LITAF: variants seen among roughly 807,000 people sequenced by gnomAD.
LITAF encodes the protein lipopolysaccharide-induced tumor necrosis factor-alpha factor.
A neutral mutation model predicts 14.5 loss-of-function variants in LITAF; 9 were observed. That is an observed-to-expected ratio of 0.62 (90% CI 0.37 to 1.08). LITAF has a LOEUF of 1.08. LITAF is among the 50% of genes least tolerant of loss of function. LITAF has a pLI of 0.01. For synonymous variants in LITAF, 98 were observed against 88.2 expected, an observed-to-expected ratio of 1.11 and a Z score of -0.62; for missense variants, 206 against 213.4, an observed-to-expected ratio of 0.97 and a Z score of 0.22.
chr16:11,623,940 C>G (rs552429803), intron 3 of LITAF, among the ~76,000 whole-genome samples: 139 of 152,182 alleles, frequency 9.1e-4, no homozygotes, highest in Non-Finnish European at 1.7e-3. Flanking sequence ...GCACTCCAGC[C>G]TGGGTGACAA....
intron 1 of LITAF, among the ~76,000 whole-genome samples, chr16:11,578,667 A>G (rs2064683280): frequency 6.6e-6 from 1 of 152,156 alleles, no homozygotes; most frequent in Non-Finnish European, 1.5e-5. Context: ...TGTCATGTGC[A>G]TGTCATGTGC....
At chr16:11,550,329 A>G (rs185992799) in intron 3 of LITAF, among the ~76,000 whole-genome samples, 1 of 152,218 alleles carries the variant, frequency 6.6e-6, no homozygotes, top group Non-Finnish European at 1.5e-5. Flanking sequence ...ACCTCAAGTG[A>G]TCCACCCGCC....
intron 1 of LITAF, among the ~76,000 whole-genome samples, chr16:11,576,960 G>A (rs567478246): frequency 1.2e-4 from 18 of 152,264 alleles, no homozygotes; most frequent in African/African-American, 3.9e-4. Flanking sequence ...CAAGACTTAC[G>A]GATAATGTGG....
intron 3 of LITAF, among the ~76,000 whole-genome samples, chr16:11,607,293 A>C (rs1468000781): frequency 6.6e-6 from 1 of 152,234 alleles, no homozygotes; most frequent in East Asian, 1.9e-4. Context: ...TGTTCCCTGC[A>C]GAGCTGTGTC....
At position 11,548,765 on chromosome 16, in the gene LITAF, C is replaced by T; in HGVS notation, c.*872G>A. ...CCAAGGCAGAAGGATCGCTTGAGCC[C>T]AGGAGTTCGACACCAGCCTGGGCAA... On this transcript the variant is annotated 3_prime_UTR_variant, in exon 4 of 4. Transcript: ENST00000622633. 2.2e-6 allele frequency: 1 copy of T among 453,256 alleles called. No individual in the cohort carries two copies. Among genetic ancestry groups the T allele is most frequent in the Non-Finnish European group, 4.4e-6 (1 of 226,522 alleles). 28.1% of individuals were successfully genotyped at this position (453,256 alleles called of 1,614,324 possible).
chr16:11,610,246 C>T (rs933570918), intron 3 of LITAF, among the ~76,000 whole-genome samples: 14 of 152,236 alleles, frequency 9.2e-5, no homozygotes, highest in African/African-American at 2.7e-4. Context: ...GGATCTCTAT[C>T]GGCAATCCCT....
At chr16:11,628,572 T>A (rs745605969) in intron 3 of LITAF, among the ~76,000 whole-genome samples, 4 of 152,168 alleles carry the variant, frequency 2.6e-5, no homozygotes, top group Non-Finnish European at 4.4e-5. Context: ...GGCACGATCA[T>A]AGCTCACTTC....
Position 11,610,746 on chromosome 16 carries a change from C to G in LITAF, c.85+22787G>C, listed in dbSNP as rs537908974. ...GCACAAATGCAGGGGGCACTCTTCT[C>G]AAGTATGGAGTCATGCTTTGTACAA... On this transcript the variant is annotated intron_variant, in intron 3 of 3. Coordinates refer to the LITAF transcript ENST00000574848. Among the ~76,000 whole-genome samples, 30 of 152,258 alleles carry G rather than the reference C, an allele frequency of 2.0e-4. No individual in the cohort carries two copies. In the East Asian group the frequency reaches 3.1e-3, roughly 16 times the overall value.
intron 3 of LITAF, among the ~76,000 whole-genome samples, chr16:11,612,191 C>G (rs74406485): frequency 0.025 from 3,864 of 152,320 alleles, 174 homozygotes; most frequent in African/African-American, 0.088. Flanking sequence ...ACCGCCAAAG[C>G]TCAGGACAGC....
chr16:11,638,117 T>TAGATAG (rs1555475737), upstream of LITAF, among the ~76,000 whole-genome samples: 97 of 69,512 alleles, frequency 1.4e-3, 26 homozygotes, highest in African/African-American at 9.0e-3. Context: ...TATCTATCTA[T>TAGATAG]ATAGATAGAT....
At chr16:11,640,227 G>A (rs769147717), upstream of LITAF, among the ~76,000 whole-genome samples, 3 of 152,204 alleles carry the variant, frequency 2.0e-5, no homozygotes, top group Non-Finnish European at 4.4e-5. Flanking sequence ...CTCAGCACAT[G>A]TTCGTGGAGC....
Position 11,547,958 on chromosome 16 carries a change from C to T in LITAF, c.*1679G>A, listed in dbSNP as rs1422077301. 1 of 454,134 alleles carries T rather than the reference C, an allele frequency of 2.2e-6. No homozygotes were observed. Among genetic ancestry groups the T allele is most frequent in the Admixed American group, 2.3e-5 (1 of 42,570 alleles). The allele number at this position is 454,134 out of a possible 1,614,324, so 28.1% of individuals were successfully genotyped here. ...TTTGTAGCAATGGCTGGAAATGCAACATGAGCCCTTTCTTCACACCAAAAG... is the reference window on the plus strand; with the variant it reads ...TTTGTAGCAATGGCTGGAAATGCAATATGAGCCCTTTCTTCACACCAAAAG... On this transcript the variant is annotated 3_prime_UTR_variant, in exon 4 of 4. Coordinates refer to ENST00000622633, the MANE Select transcript of LITAF (RefSeq NM_001136472.2).
chr16:11,637,974 CTATATATA>C (rs1191061266), upstream of LITAF, among the ~76,000 whole-genome samples: 1 of 31,646 alleles, frequency 3.2e-5, no homozygotes, highest in Non-Finnish European at 5.4e-5. Context: ...ATCTATATAT[CTATATATA>C]TCTATATATA....
Position 11,634,509 on chromosome 16 carries a change from G to A in LITAF, c.-20-872C>T, listed in dbSNP as rs188541127. Among the ~76,000 whole-genome samples the A allele has an allele frequency of 2.0e-5, 3 of 152,206 alleles. No homozygotes were observed. Among genetic ancestry groups the A allele is most frequent in the South Asian group, 2.1e-4 (1 of 4,820 alleles). On this transcript the variant is annotated intron_variant, in intron 2 of 3. Transcript: ENST00000574848. The surrounding 1 kb of genome is among the most constrained non-coding windows in gnomAD (Gnocchi z 4.1). ...CACAAGATTTGCAACTTCCCCTATTGCCCCTGCAGATAACATCACTATTGT... is the reference window on the plus strand; with the variant it reads ...CACAAGATTTGCAACTTCCCCTATTACCCCTGCAGATAACATCACTATTGT...
At chr16:11,581,706 G>C (rs1478696112) in intron 1 of LITAF, among the ~76,000 whole-genome samples, 1 of 152,076 alleles carries the variant, frequency 6.6e-6, no homozygotes, top group Non-Finnish European at 1.5e-5. Context: ...ACTTCTAACT[G>C]ATGAGGTGAA....
At position 11,553,819 on chromosome 16, in the gene LITAF, C is replaced by G. The variant is rs576182254; in HGVS notation, c.221-130G>C. On this transcript the variant is annotated intron_variant, in intron 2 of 3. Transcript: ENST00000622633. The surrounding 1 kb of genome is among the most constrained non-coding windows in gnomAD (Gnocchi z 7.7). ...TTTGTACATTTGTGTTCATAGCATG[C>G]GTTCATCGTCTGGCTATCTATGAGA... 34 of 1,061,088 alleles carry G rather than the reference C, an allele frequency of 3.2e-5. No individual in the cohort carries two copies. The highest frequency in any genetic ancestry group is 2.1e-4 in the Middle Eastern group (1 of 4,658). The allele number at this position is 1,061,088 out of a possible 1,614,324, so 65.7% of individuals were successfully genotyped here.
upstream of LITAF, among the ~76,000 whole-genome samples, chr16:11,636,959 TC>T (rs1454420935): frequency 6.6e-6 from 1 of 151,824 alleles, no homozygotes; most frequent in African/African-American, 2.4e-5. Context: ...AGCCTCCGCC[TC>T]CCAGGTTCCA....
At chr16:11,578,247 C>G (rs1426850173) in intron 1 of LITAF, among the ~76,000 whole-genome samples, 1 of 152,186 alleles carries the variant, frequency 6.6e-6, no homozygotes, top group Non-Finnish European at 1.5e-5. Flanking sequence ...GTGGGCTGGA[C>G]TCCTTGACTC....
chr16:11,614,213 A>C (rs1166571406), intron 3 of LITAF, among the ~76,000 whole-genome samples: 1 of 152,114 alleles, frequency 6.6e-6, no homozygotes, highest in Non-Finnish European at 1.5e-5. Context: ...TAGAAGTCTG[A>C]AATCAAGATG....
Sources: allele counts gnomAD v4.1 joint callset (sites outside exome capture counted in the v4.1 genomes callset), GRCh38; gene constraint gnomAD v4.1.1; non-coding constraint Gnocchi (gnomAD v3.1); transcripts MANE v1.5; gene names NCBI Gene and HGNC (gene_info 2026-07-23, HGNC 2026-07-21).